The following TMEM132D variants were observed in gnomAD, a reference collection of about 807,000 sequenced individuals.
The protein encoded by TMEM132D is transmembrane protein 132D, also known as mature OL transmembrane protein.
A neutral mutation model predicts 62.3 loss-of-function variants in TMEM132D; 21 were observed. That is an observed-to-expected ratio of 0.34 (90% CI 0.24 to 0.49). The LOEUF is 0.49. TMEM132D is among the 20% of genes least tolerant of loss of function. The pLI, the probability that TMEM132D is intolerant of heterozygous loss-of-function variation, is 0.99. For missense variants in TMEM132D, 1,346 were observed against 1,402.8 expected (o/e 0.96, Z 0.65); for synonymous variants, 621 against 575.6 (o/e 1.08, Z -1.13).
At chr12:129,627,409 T>C (rs1040709956) in intron 2 of TMEM132D, among the ~76,000 whole-genome samples, 3 of 152,088 alleles carry the variant, frequency 2.0e-5, no homozygotes, top group Non-Finnish European at 4.4e-5. Flanking sequence ...ATAGAGTAGG[T>C]GTGTAGTAGA....
chr12:129,635,790 C>G (rs779931589), intron 2 of TMEM132D, among the ~76,000 whole-genome samples: 2 of 152,180 alleles, frequency 1.3e-5, no homozygotes, highest in South Asian at 4.1e-4. Context: ...TGGCCCAAGA[C>G]GCAGCCTCAG....
At chr12:129,127,247 T>C (rs1483289519) in intron 5 of TMEM132D, among the ~76,000 whole-genome samples, 1 of 152,198 alleles carries the variant, frequency 6.6e-6, no homozygotes, top group African/African-American at 2.4e-5. Context: ...CCTCCTCACG[T>C]TGTGATCTTT....
At chr12:129,376,518 G>A (rs1870785745) in intron 3 of TMEM132D, among the ~76,000 whole-genome samples, 1 of 152,122 alleles carries the variant, frequency 6.6e-6, no homozygotes, top group Admixed American at 6.5e-5. Context: ...CGGGGATTAT[G>A]GGAGACACAA....
chr12:129,403,173 A>G (rs527526021), intron 3 of TMEM132D, among the ~76,000 whole-genome samples: 1 of 151,268 alleles, frequency 6.6e-6, no homozygotes, highest in Admixed American at 6.6e-5. Flanking sequence ...CAGTGCCCAG[A>G]GGAAAGAGGT....
chr12:129,263,337 A>T (rs911567845), intron 4 of TMEM132D, among the ~76,000 whole-genome samples: 1 of 152,184 alleles, frequency 6.6e-6, no homozygotes, highest in Non-Finnish European at 1.5e-5. Context: ...AAGAACTTGG[A>T]CAATAAGGTT....
intron 1 of TMEM132D, among the ~76,000 whole-genome samples, chr12:129,702,700 T>TG (rs1881412796): frequency 6.6e-6 from 1 of 152,258 alleles, no homozygotes; most frequent in Non-Finnish European, 1.5e-5. Flanking sequence ...GTGTGTGATA[T>TG]GCCAGGGAGC....
chr12:129,238,843 C>T (rs990852321), intron 4 of TMEM132D, among the ~76,000 whole-genome samples: 2 of 152,206 alleles, frequency 1.3e-5, no homozygotes, highest in African/African-American at 4.8e-5. Context: ...GATGTATACA[C>T]AGATGTGGAA....
intron 2 of TMEM132D, among the ~76,000 whole-genome samples, chr12:129,550,352 T>G (rs750508785): frequency 3.9e-5 from 6 of 152,226 alleles, no homozygotes; most frequent in Non-Finnish European, 8.8e-5. Flanking sequence ...AAAATGGGAT[T>G]TGTCTAACAA....
intron 2 of TMEM132D, among the ~76,000 whole-genome samples, chr12:129,622,303 G>A (rs1403627220): frequency 6.6e-6 from 1 of 152,216 alleles, no homozygotes; most frequent in Non-Finnish European, 1.5e-5. Flanking sequence ...AGAAGATGAC[G>A]TTGCTGTAAT....
chr12:129,133,843 C>A (rs184774458), intron 5 of TMEM132D, among the ~76,000 whole-genome samples: 2 of 152,150 alleles, frequency 1.3e-5, no homozygotes, highest in Middle Eastern at 3.2e-3. Context: ...AAATTATATC[C>A]TGGCTATTTT....
intron 1 of TMEM132D, among the ~76,000 whole-genome samples, chr12:129,753,145 G>C (rs1870053427): frequency 6.6e-6 from 1 of 152,192 alleles, no homozygotes; most frequent in African/African-American, 2.4e-5. Context: ...TTTAAACTTA[G>C]GCTTCTCTGT....
chr12:129,680,720 A>G (rs766820795), intron 2 of TMEM132D, among the ~76,000 whole-genome samples: 8 of 152,232 alleles, frequency 5.3e-5, no homozygotes, highest in African/African-American at 7.2e-5. Context: ...GAGGTGCTGG[A>G]ATTGCTGAAA....
At chr12:129,896,463 GA>G (rs1465107495) in intron 1 of TMEM132D, among the ~76,000 whole-genome samples, 1 of 152,158 alleles carries the variant, frequency 6.6e-6, no homozygotes, top group Non-Finnish European at 1.5e-5. Flanking sequence ...AACACTCTTT[GA>G]GTCTCGGCAG....
In TMEM132D at chr12:129,378,971, G is replaced by C. The variant is rs116113019; in HGVS notation, c.1116-41154C>G. Among the ~76,000 whole-genome samples the C allele has an allele frequency of 3.9e-3, 585 of 151,608 alleles. 4 individuals are homozygous for C. The highest frequency in any genetic ancestry group is 0.014 in the African/African-American group (554 of 40,940). On this transcript the variant is annotated intron_variant, in intron 3 of 8. Coordinates refer to ENST00000422113, the MANE Select transcript of TMEM132D (RefSeq NM_133448.3). ...TGTCAGGAGGTTATCACTCAGGAAG[G>C]GGGGGACACTTAATCAGAGAGGCCT... is the stretch of plus-strand genomic sequence containing the variant.
At chr12:129,136,693 A>G (rs1215763162) in intron 5 of TMEM132D, among the ~76,000 whole-genome samples, 1 of 143,062 alleles carries the variant, frequency 7.0e-6, no homozygotes, top group Admixed American at 7.1e-5. Context: ...ATCATCATCA[A>G]CATCACCATC....
At chr12:129,186,676 C>G (rs1241232814) in intron 5 of TMEM132D, among the ~76,000 whole-genome samples, 1 of 152,184 alleles carries the variant, frequency 6.6e-6, no homozygotes, top group East Asian at 1.9e-4. Flanking sequence ...GAACCTACCC[C>G]ATAGGGATGT....
chr12:129,903,124 CACACACAT>C lies in TMEM132D; in HGVS notation c.79+129_79+136del. 1 of 912,530 alleles carries C rather than the reference CACACACAT, an allele frequency of 1.1e-6. No individual in the cohort carries two copies. Among genetic ancestry groups the C allele is most frequent in the Non-Finnish European group, 1.7e-6 (1 of 600,896 alleles). 56.5% of individuals were successfully genotyped at this position (912,530 alleles called of 1,614,324 possible). On this transcript the variant is annotated intron_variant, in intron 1 of 8. Coordinates refer to ENST00000422113, the MANE Select transcript of TMEM132D (RefSeq NM_133448.3). This position sits in a 1 kb window ranked among gnomAD's most constrained non-coding sequence, Gnocchi z 6.2. ...ACGAGCGCACGTTCACACGCGCGCACACACACATGCACACAAGCGCGCACACACACTTG... is the reference window on the plus strand; with the variant it reads ...ACGAGCGCACGTTCACACGCGCGCACGCACACAAGCGCGCACACACACTTG...
At chr12:129,474,140 G>T (rs752709301) in intron 3 of TMEM132D, among the ~76,000 whole-genome samples, 1 of 152,106 alleles carries the variant, frequency 6.6e-6, no homozygotes, top group Non-Finnish European at 1.5e-5. Flanking sequence ...CAACACAGTC[G>T]GTTTCTGGGC....
At chr12:129,859,507 C>A (rs1873825817) in intron 1 of TMEM132D, among the ~76,000 whole-genome samples, 1 of 152,088 alleles carries the variant, frequency 6.6e-6, no homozygotes, top group Admixed American at 6.5e-5. Flanking sequence ...CTTTGCATAG[C>A]TGGTAAAGTA....
Sources: gnomAD v4.1 joint callset for allele counts (sites outside exome capture counted in the v4.1 genomes callset) on GRCh38, gnomAD v4.1.1 for gene constraint, Gnocchi (gnomAD v3.1) non-coding constraint, MANE v1.5 for transcripts, NCBI Gene and HGNC (gene_info 2026-07-23, HGNC 2026-07-21) for gene names.